JAZF1: variants seen among roughly 807,000 people sequenced by gnomAD.
JAZF1 encodes the protein juxtaposed with another zinc finger protein 1.
Under a neutral mutation model 26.4 loss-of-function variants are expected in JAZF1, and 8 were observed. The ratio of observed to expected loss-of-function variants is 0.30; its 90% CI spans 0.18 to 0.55. The LOEUF (loss-of-function observed/expected upper bound fraction) is 0.55, where lower values mean the gene tolerates loss of function less well. Ranked by LOEUF, JAZF1 falls within the 20% of genes least tolerant of loss-of-function variation. JAZF1 has a pLI of 0.94. For missense variants in JAZF1, 199 were observed against 322.0 expected (o/e 0.62, Z 2.92); for synonymous variants, 126 against 122.3 (o/e 1.03, Z -0.20).
At chr7:28,180,024 C>T (rs1263249603) in intron 1 of JAZF1, among the ~76,000 whole-genome samples, 1 of 146,350 alleles carries the variant, frequency 6.8e-6, no homozygotes, top group Non-Finnish European at 1.5e-5. Context: ...CTGCCCTCAG[C>T]GCCTCGGGCT....
At chr7:27,988,212 T>G (rs1211809666) in intron 2 of JAZF1, among the ~76,000 whole-genome samples, 1 of 151,484 alleles carries the variant, frequency 6.6e-6, no homozygotes, top group East Asian at 1.9e-4. Flanking sequence ...AAAAAGAACA[T>G]GATTCTAATC....
At chr7:27,946,384 G>A (rs1784924598) in intron 2 of JAZF1, among the ~76,000 whole-genome samples, 3 of 152,150 alleles carry the variant, frequency 2.0e-5, no homozygotes, top group African/African-American at 7.2e-5. Flanking sequence ...GCAATCTGAA[G>A]GCACTTTGAA....
chr7:28,002,075 T>C (rs935242551), intron 1 of JAZF1, among the ~76,000 whole-genome samples: 3 of 152,102 alleles, frequency 2.0e-5, no homozygotes, highest in African/African-American at 7.2e-5. Context: ...TGCTGAAGAA[T>C]CCCATCATAA....
chr7:28,143,217 C>G (rs1198953462), intron 1 of JAZF1, among the ~76,000 whole-genome samples: 1 of 152,172 alleles, frequency 6.6e-6, no homozygotes, highest in African/African-American at 2.4e-5. Context: ...TGCCTCTAGC[C>G]TTGTAGTGCT....
chr7:27,840,968 C>G lies in JAZF1; in HGVS notation c.386-101G>C. On this transcript the variant is annotated intron_variant, in intron 3 of 4. Coordinates refer to ENST00000283928, the MANE Select transcript of JAZF1 (RefSeq NM_175061.4). This position sits in a 1 kb window ranked among gnomAD's most constrained non-coding sequence, Gnocchi z 5.1. ...AGGAGATGTGGCCGTGGCAGAGCAG[C>G]GCTGACGGCCCAGGGAGAGGGCACT... 1.6e-6 allele frequency: 2 copies of G among 1,259,198 alleles called. No homozygotes were observed. The highest frequency in any genetic ancestry group is 5.3e-4 in the Middle Eastern group (2 of 3,774). The allele number at this position is 1,259,198 out of a possible 1,614,324, so 78.0% of individuals were successfully genotyped here. A position where few individuals can be genotyped will look rare whatever the true frequency, so the allele number is the denominator to read the frequency against.
chr7:27,850,842 T>A (rs1353792832), intron 3 of JAZF1, among the ~76,000 whole-genome samples: 3 of 151,988 alleles, frequency 2.0e-5, no homozygotes. Context: ...TTAAGAACTA[T>A]TTGTACTTGG....
At chr7:28,098,801 G>A (rs1450650912) in intron 1 of JAZF1, among the ~76,000 whole-genome samples, 1 of 152,182 alleles carries the variant, frequency 6.6e-6, no homozygotes, top group Non-Finnish European at 1.5e-5. Context: ...AGCATATCAT[G>A]CACAACATTT....
intron 1 of JAZF1, among the ~76,000 whole-genome samples, chr7:27,993,109 A>C (rs1785936617): frequency 6.6e-6 from 1 of 152,248 alleles, no homozygotes; most frequent in African/African-American, 2.4e-5. Context: ...TATCAGTTTT[A>C]TTCGTGGTGT....
intron 1 of JAZF1, among the ~76,000 whole-genome samples, chr7:28,140,570 G>A (rs1782947266): frequency 1.3e-5 from 2 of 151,756 alleles, no homozygotes; most frequent in African/African-American, 2.4e-5. Flanking sequence ...TCCGGGGTGG[G>A]GAGAGAACAT....
intron 3 of JAZF1, among the ~76,000 whole-genome samples, chr7:27,884,737 T>A (rs1464733501): frequency 2.6e-5 from 4 of 152,226 alleles, no homozygotes; most frequent in Admixed American, 6.5e-5. Flanking sequence ...TATATCACAG[T>A]TTACCCATTT....
intron 1 of JAZF1, among the ~76,000 whole-genome samples, chr7:28,042,999 A>T (rs1317769756): frequency 6.6e-6 from 1 of 152,192 alleles, no homozygotes. Flanking sequence ...TGCTTTGCCT[A>T]CCTGACAGTC....
intron 1 of JAZF1, among the ~76,000 whole-genome samples, chr7:28,011,100 G>A (rs375639868): frequency 1.3e-5 from 2 of 152,198 alleles, no homozygotes; most frequent in East Asian, 3.9e-4. Flanking sequence ...AATTATTGCC[G>A]CAACCCAAGA....
intron 1 of JAZF1, among the ~76,000 whole-genome samples, chr7:28,030,971 G>C (rs1264364062): frequency 1.3e-5 from 2 of 152,192 alleles, no homozygotes; most frequent in East Asian, 3.9e-4. Flanking sequence ...TACCAACAAA[G>C]GCACAGTTGT....
At chr7:28,150,581 T>G (rs1402371965) in intron 1 of JAZF1, among the ~76,000 whole-genome samples, 1 of 152,210 alleles carries the variant, frequency 6.6e-6, no homozygotes, top group Non-Finnish European at 1.5e-5. Flanking sequence ...GTGGGAACAC[T>G]GTCATGGGGC....
chr7:27,909,839 T>C (rs1784330993), intron 2 of JAZF1, among the ~76,000 whole-genome samples: 2 of 152,230 alleles, frequency 1.3e-5, no homozygotes, highest in South Asian at 4.1e-4. Flanking sequence ...TCACATATTT[T>C]TCATCTTGTG....
At chr7:28,128,509 C>G (rs1782736038) in intron 1 of JAZF1, among the ~76,000 whole-genome samples, 1 of 151,976 alleles carries the variant, frequency 6.6e-6, no homozygotes. Context: ...GCAACAGAGT[C>G]CGTCTAAAAA....
At chr7:28,006,288 A>G (rs1441438151) in intron 1 of JAZF1, among the ~76,000 whole-genome samples, 1 of 152,002 alleles carries the variant, frequency 6.6e-6, no homozygotes, top group Non-Finnish European at 1.5e-5. Context: ...AGAATTACTT[A>G]AACCTGGGAA....
At position 27,862,474 on chromosome 7, in the gene JAZF1, T is replaced by G. The variant is rs115275286; in HGVS notation, c.386-21607A>C. On this transcript the variant is annotated intron_variant, in intron 3 of 4. Transcript: ENST00000283928. ...TCACATACTATACAATCCACTTATTTCAAGCGTACTGCTCAAGGTTTTCCA... is the reference window on the plus strand; with the variant it reads ...TCACATACTATACAATCCACTTATTGCAAGCGTACTGCTCAAGGTTTTCCA... 7.4e-3 allele frequency among the ~76,000 whole-genome samples: 1,116 copies of G among 151,450 alleles called. 11 individuals carry two copies. Among genetic ancestry groups the G allele is most frequent in the African/African-American group, 0.022 (916 of 41,152 alleles).
intron 2 of JAZF1, among the ~76,000 whole-genome samples, chr7:27,983,009 T>G (rs1208247130): frequency 1.3e-5 from 2 of 152,140 alleles, no homozygotes; most frequent in African/African-American, 4.8e-5. Context: ...GCAGAAAAGC[T>G]GAAAATTCTA....
Sources: gnomAD v4.1 joint callset for allele counts (sites outside exome capture counted in the v4.1 genomes callset) on GRCh38, gnomAD v4.1.1 for gene constraint, Gnocchi (gnomAD v3.1) non-coding constraint, MANE v1.5 for transcripts, NCBI Gene and HGNC (gene_info 2026-07-23, HGNC 2026-07-21) for gene names.